GRAMD4: variants seen among roughly 807,000 people sequenced by gnomAD.
The protein encoded by GRAMD4 is GRAM domain containing 4, also known as GRAM domain-containing protein 4.
In GRAMD4, 25 loss-of-function variants were observed where a neutral mutation model predicts 83.9. The ratio of observed to expected loss-of-function variants is 0.30; its 90% CI spans 0.22 to 0.42. The LOEUF is 0.42. Ranked by LOEUF, GRAMD4 falls within the 10% of genes least tolerant of loss-of-function variation. The probability of loss-of-function intolerance (pLI) is 1.00; values close to 1 mark genes in which losing one functional copy is unlikely to be tolerated. For missense variants in GRAMD4, 593 were observed against 788.7 expected, an observed-to-expected ratio of 0.75 and a Z score of 2.97; for synonymous variants, 336 against 320.9, an observed-to-expected ratio of 1.05 and a Z score of -0.50.
chr22:46,586,721 G>A (rs913049746), intron 1 of GRAMD4, among the ~76,000 whole-genome samples: 41 of 152,346 alleles, frequency 2.7e-4, no homozygotes, highest in South Asian at 4.1e-4. Context: ...GACATGAGTT[G>A]GGGGGAACCC....
At chr22:46,653,965 C>T (rs892258462) in intron 3 of GRAMD4, among the ~76,000 whole-genome samples, 9 of 152,224 alleles carry the variant, frequency 5.9e-5, no homozygotes, top group Non-Finnish European at 8.8e-5. Context: ...CACCCCGTGG[C>T]TCTCTCTGAA....
chr22:46,581,056 G>A lies in GRAMD4; in HGVS notation c.-50+3766G>A, dbSNP rs1015526772. Among the ~76,000 whole-genome samples, 9 of 152,154 alleles carry A rather than the reference G, an allele frequency of 5.9e-5. No individual in the cohort carries two copies. The Middle Eastern group carries it at 0.01, about 173-fold the overall frequency. On this transcript the variant is annotated intron_variant, in intron 1 of 1. Coordinates refer to the GRAMD4 transcript ENST00000431155. ...CCTGTTGTTTTGCCTTTGGTATCTC[G>A]GCATGTGGCAGAGGCCTGGGCGGAC...
rs1440272795 is a variant in GRAMD4, at chr22:46,621,532, G to A, written c.-50+967G>A. 7.5e-6 allele frequency among the ~76,000 whole-genome samples: 1 copy of A among 133,660 alleles called. No homozygotes were observed. Among genetic ancestry groups the A allele is most frequent in the East Asian group, 2.6e-4 (1 of 3,888 alleles). The allele number at this position is 133,660 out of a possible 152,430, so 87.7% of individuals were successfully genotyped here. ...GTGTCGCGGAGGGCACCCCTACCCC[G>A]GTGCAGGCGCAGGCTGGAGGCGTAG... On this transcript the variant is annotated intron_variant, in intron 1 of 18. Coordinates refer to ENST00000406902, the MANE Select transcript of GRAMD4 (RefSeq NM_015124.5). This position sits in a 1 kb window ranked among gnomAD's most constrained non-coding sequence, Gnocchi z 5.8.
intron 1 of GRAMD4, among the ~76,000 whole-genome samples, chr22:46,605,713 TC>T: frequency 1.3e-5 from 2 of 149,322 alleles, no homozygotes; most frequent in African/African-American, 4.9e-5. Flanking sequence ...GTGCTGAGCA[TC>T]TCTGCATGGG....
chr22:46,645,900 G>A (rs983467884), intron 3 of GRAMD4, among the ~76,000 whole-genome samples: 2 of 152,266 alleles, frequency 1.3e-5, no homozygotes, highest in Non-Finnish European at 2.9e-5. Context: ...GTCACCTGCT[G>A]CGCGCAGGCT....
upstream of GRAMD4, among the ~76,000 whole-genome samples, chr22:46,617,934 TAA>T (rs2081525825): frequency 2.0e-5 from 3 of 152,204 alleles, no homozygotes; most frequent in Admixed American, 1.3e-4. Context: ...GGCTTGTAGT[TAA>T]AAGTTTTTGT....
chr22:46,650,161 A>G (rs1471200155), intron 3 of GRAMD4, among the ~76,000 whole-genome samples: 2 of 152,216 alleles, frequency 1.3e-5, no homozygotes, highest in East Asian at 3.9e-4. Context: ...TTTAAAGATT[A>G]TCACTTGATT....
At position 46,677,948 on chromosome 22, in the gene GRAMD4, A is replaced by G. The variant is rs1003905043; in HGVS notation, c.*697A>G. The G allele has an allele frequency of 1.3e-5, 13 of 985,112 alleles. No homozygotes were observed. In the African/African-American group the frequency reaches 2.3e-4, roughly 17 times the overall value. 61.0% of individuals were successfully genotyped at this position (985,112 alleles called of 1,614,324 possible). The stretch of plus-strand genomic sequence containing the variant: ...GGTGGCACCTTCCTTGCTGGCCTCC[A>G]GGGCGCTCAGCACCGCGTCTGTAAG... On this transcript the variant is annotated 3_prime_UTR_variant, in exon 19 of 19. Coordinates refer to ENST00000406902, the MANE Select transcript of GRAMD4 (RefSeq NM_015124.5).
At position 46,658,240 on chromosome 22, in the gene GRAMD4, G is replaced by A. The variant is rs2082273301; in HGVS notation, c.337G>A (p.Glu113Lys). The A allele has an allele frequency of 6.2e-7, 1 of 1,613,638 alleles. No individual in the cohort carries two copies. The highest frequency in any genetic ancestry group is 8.5e-7 in the Non-Finnish European group (1 of 1,179,944). Residue 113 changes from glutamate (E) to lysine (K), a missense_variant, in exon 4 of 19, where the codon GAG (glutamate) becomes AAG (lysine). Around this residue, in one of 4 missense-constraint regions of GRAMD4, gnomAD observed 312 missense variants for 350.7 expected, o/e 0.89. Coordinates refer to ENST00000406902, the MANE Select transcript of GRAMD4 (RefSeq NM_015124.5). ...EETNAEMLRQ[E>K]LDRERQRRME... ...AACCAACGCGGAGATGCTGCGGCAG[G>A]AGCTGGACCGCGAGCGGCAGCGGCG...
intron 3 of GRAMD4, among the ~76,000 whole-genome samples, chr22:46,656,536 A>T (rs2082247397): frequency 2.0e-5 from 3 of 152,158 alleles, no homozygotes; most frequent in Admixed American, 6.5e-5. Flanking sequence ...TTGGAGTCTT[A>T]GGTATGGCCC....
rs765512960 is a variant in GRAMD4, at chr22:46,659,621, G to A, written c.404+1314G>A. ...CCTTCAGCACCCTCAGGTTTAGTGT[G>A]TGGGAAGACGGGGGATCCGCTGGGC... On this transcript the variant is annotated intron_variant, in intron 4 of 18. Transcript: ENST00000406902. This position sits in a 1 kb window ranked among gnomAD's most constrained non-coding sequence, Gnocchi z 4.1. 2.0e-5 allele frequency among the ~76,000 whole-genome samples: 3 copies of A among 152,234 alleles called. No individual in the cohort carries two copies. The highest frequency in any genetic ancestry group is 6.5e-5 in the Admixed American group (1 of 15,286).
At position 46,672,523 on chromosome 22, in the gene GRAMD4, A is replaced by G. The variant is rs536926952; in HGVS notation, c.1085-320A>G. On this transcript the variant is annotated intron_variant, in intron 13 of 18. Coordinates refer to ENST00000406902, the MANE Select transcript of GRAMD4 (RefSeq NM_015124.5). The surrounding 1 kb of genome is among the most constrained non-coding windows in gnomAD (Gnocchi z 4.7). ...TTCAGGTGGGTCAAGAACAGCCCTG[A>G]GCCAGGCGGAGTTGGAGAGAGAAGT... 6.8e-6 allele frequency among the ~76,000 whole-genome samples: 1 copy of G among 146,782 alleles called. No individual in the cohort carries two copies. The highest frequency in any genetic ancestry group is 2.2e-4 in the South Asian group (1 of 4,646).
upstream of GRAMD4, among the ~76,000 whole-genome samples, chr22:46,575,822 C>T (rs1347987502): frequency 6.6e-6 from 1 of 152,240 alleles, no homozygotes; most frequent in Non-Finnish European, 1.5e-5. Flanking sequence ...ATCCTTTACC[C>T]TGAAATCACT....
Position 46,677,294 on chromosome 22 carries a change from TTC to T in GRAMD4, c.*45_*46del, listed in dbSNP as rs564541332. The T allele has an allele frequency of 9.0e-6, 14 of 1,562,526 alleles. No homozygotes were observed. Among genetic ancestry groups the T allele is most frequent in the Admixed American group, 4.4e-5 (2 of 45,564 alleles). On this transcript the variant is annotated 3_prime_UTR_variant, in exon 19 of 19. Transcript: ENST00000406902. The stretch of plus-strand genomic sequence containing the variant: ...CGTTGCTGGAATTTTCTTTTTCTTT[TTC>T]TTTTTCTTTTTTTTTTTTTACGATT...
At chr22:46,633,562 C>T (rs933890258) in intron 2 of GRAMD4, among the ~76,000 whole-genome samples, 1 of 152,228 alleles carries the variant, frequency 6.6e-6, no homozygotes, top group Non-Finnish European at 1.5e-5. Flanking sequence ...ACTGGGGGCT[C>T]TGGCCGGCCC....
chr22:46,635,842 G>A (rs1055831292), intron 2 of GRAMD4, among the ~76,000 whole-genome samples: 4 of 140,130 alleles, frequency 2.9e-5, no homozygotes, highest in Admixed American at 7.5e-5. Context: ...TCCCAGGCAC[G>A]TTCTCATTCT....
At chr22:46,638,085 C>G (rs543982639) in intron 3 of GRAMD4, 125 bp downstream of exon 3, 1 of 1,013,256 alleles carries the variant, frequency 9.9e-7, no homozygotes, top group East Asian at 2.6e-5. Flanking sequence ...TCGCTGGACA[C>G]GAGCCCTGGG....
chr22:46,609,604 C>T (rs1044020211), intron 1 of GRAMD4, among the ~76,000 whole-genome samples: 1 of 152,222 alleles, frequency 6.6e-6, no homozygotes, highest in Non-Finnish European at 1.5e-5. Context: ...TCATTTGCTG[C>T]CAGTTCTTTG....
At chr22:46,629,094 G>C (rs375256563) in intron 2 of GRAMD4, among the ~76,000 whole-genome samples, 1 of 152,056 alleles carries the variant, frequency 6.6e-6, no homozygotes, top group East Asian at 1.9e-4. Flanking sequence ...GAGGGGCTGC[G>C]GGGGGAAACC....
Sources: allele counts gnomAD v4.1 joint callset (sites outside exome capture counted in the v4.1 genomes callset), GRCh38; gene constraint gnomAD v4.1.1; regional missense constraint gnomAD v4.1.1; non-coding constraint Gnocchi (gnomAD v3.1); transcripts MANE v1.5; gene names NCBI Gene and HGNC (gene_info 2026-07-23, HGNC 2026-07-21).